Variants in NBEAL2 observed in about 807,000 individuals in gnomAD.
The protein encoded by NBEAL2 is neurobeachin-like protein 2.
NBEAL2 carries 160 observed loss-of-function variants against 299.8 expected under a neutral mutation model. The observed-to-expected ratio is 0.53, with a 90% CI of 0.47 to 0.61. NBEAL2 has a LOEUF of 0.61. Among genes scored for constraint, NBEAL2 ranks in the 20% least tolerant of loss-of-function variants. The probability of loss-of-function intolerance (pLI) is 0.00; values close to 1 mark genes in which losing one functional copy is unlikely to be tolerated. For synonymous variants in NBEAL2, 1,493 were observed against 1,542.3 expected (o/e 0.97, Z 0.75); for missense variants, 3,112 against 3,649.0 (o/e 0.85, Z 3.79).
Position 46,996,812 on chromosome 3 carries a change from GCTC to G in NBEAL2, c.2540_2542del (p.Leu847del). 6.2e-7 allele frequency: 1 copy of G among 1,612,734 alleles called. No individual in the cohort carries two copies. The highest frequency in any genetic ancestry group is 8.5e-7 in the Non-Finnish European group (1 of 1,179,808). On this transcript the variant is annotated inframe_deletion, in exon 17 of 54. Coordinates refer to ENST00000450053, the MANE Select transcript of NBEAL2 (RefSeq NM_015175.3). The stretch of plus-strand genomic sequence containing the variant: ...AGCTGCATGAGCTCAGCACCAGGCT[GCTC>G]CTCCATTACTCACCTCAGGTATTTG...
rs766121933 is a variant in NBEAL2 at position 46,993,955 on chromosome 3, G to C, written c.1132G>C (p.Asp378His). 23 of 1,611,314 alleles carry C rather than the reference G, an allele frequency of 1.4e-5. No individual in the cohort carries two copies. The South Asian group carries it at 2.5e-4, about 18-fold the overall frequency. ...DVQKVLDQDT[D>H]AIAVHVVRVL... is the part of the protein sequence containing the mutation. ...CCCCAAGGTCCTGGACCAAGACACA[G>C]ACGCCATTGCAGTCCATGTAGTCAG... The change falls in exon 11 of 54, where the codon GAC becomes CAC. Residue 378 changes from aspartate (D) to histidine (H), a missense_variant. By Grantham distance (81) the Asp-to-His change is moderately conservative. Around this residue, in one of 3 missense-constraint regions of NBEAL2, gnomAD observed 2,243 missense variants for 2,538.1 expected, o/e 0.88. Transcript: ENST00000450053.
rs2036874064 is a variant in NBEAL2, at chr3:47,000,279, G to GGGCCGC, written c.4185_4190dup (p.Arg1396_Pro1397dup). On this transcript the variant is annotated inframe_insertion, in exon 27 of 54. Transcript: ENST00000450053. The surrounding 1 kb of genome is among the most constrained non-coding windows in gnomAD (Gnocchi z 4.5). ...GCCCGGCACTCCTTCGCCACTGGAT[G>GGGCCGC]GGCCGCGGCCCTTTCCTGCTGCTCC... 6.2e-7 allele frequency: 1 copy of GGGCCGC among 1,612,796 alleles called. No individual in the cohort carries two copies. Among genetic ancestry groups the GGGCCGC allele is most frequent in the Non-Finnish European group, 8.5e-7 (1 of 1,179,856 alleles).
In NBEAL2 at chr3:46,997,422, G is replaced by T. The variant is rs1450169479; in HGVS notation, c.2813G>T (p.Gly938Val). 5.0e-6 allele frequency: 8 copies of T among 1,609,238 alleles called. No individual in the cohort carries two copies. The highest frequency in any genetic ancestry group is 1.1e-5 in the South Asian group (1 of 90,998). Residue 938 changes from glycine to valine, a missense_variant, in exon 19 of 54, where the codon GGT becomes GTT. Around this residue, in one of 3 missense-constraint regions of NBEAL2, gnomAD observed 2,243 missense variants for 2,538.1 expected, o/e 0.88. Transcript: ENST00000450053. ...ACCCAGGGCCTGGTTCTCCCATTGGGTAAATCTTCAGGTAAGTGTTCCTGG... is the reference window on the plus strand; with the variant it reads ...ACCCAGGGCCTGGTTCTCCCATTGGTTAAATCTTCAGGTAAGTGTTCCTGG... The part of the protein sequence containing the change: ...HNTQGLVLPL[G>V]KSSEERMERN...
chr3:46,992,739 G>A (rs1207684099), intron 10 of NBEAL2, among the ~76,000 whole-genome samples, 184 bp downstream of exon 10: 3 of 152,218 alleles, frequency 2.0e-5, no homozygotes, highest in Non-Finnish European at 4.4e-5. Flanking sequence ...AGGACAGAAG[G>A]TGGTCTATCC....
At position 47,006,224 on chromosome 3, in the gene NBEAL2, A is replaced by G. The variant is rs1559620351; in HGVS notation, c.6979A>G (p.Ile2327Val). 6.2e-7 allele frequency: 1 copy of G among 1,613,946 alleles called. No homozygotes were observed. Among genetic ancestry groups the G allele is most frequent in the Non-Finnish European group, 8.5e-7 (1 of 1,179,886 alleles). The change falls in exon 44 of 54, where the codon ATC (isoleucine) becomes GTC (valine). Residue 2327 changes from isoleucine (I) to valine (V), a missense_variant. By Grantham distance (29) the Ile-to-Val change is conservative. Coordinates refer to ENST00000450053, the MANE Select transcript of NBEAL2 (RefSeq NM_015175.3). The part of the protein sequence containing the change: ...ERERKALEGI[I>V]SNFGQTPCQL... ...GGAACGGAAGGCTCTGGAGGGCATTATCAGCAACTTTGGGCAGACTCCCTG... is the reference window on the plus strand; with the variant it reads ...GGAACGGAAGGCTCTGGAGGGCATTGTCAGCAACTTTGGGCAGACTCCCTG...
chr3:47,000,920 G>C lies in NBEAL2; in HGVS notation c.4306-81G>C. The C allele has an allele frequency of 6.5e-7, 1 of 1,540,064 alleles. No homozygotes were observed. The highest frequency in any genetic ancestry group is 8.8e-7 in the Non-Finnish European group (1 of 1,139,494). On this transcript the variant is annotated intron_variant, in intron 27 of 53. Coordinates refer to ENST00000450053, the MANE Select transcript of NBEAL2 (RefSeq NM_015175.3). This position sits in a 1 kb window ranked among gnomAD's most constrained non-coding sequence, Gnocchi z 4.5. ...GTGGCTACCCCAGGAGGGGTGCTGAGTGGGGATGGGTGGGCGTCAGCCTGA... is the reference window on the plus strand; with the variant it reads ...GTGGCTACCCCAGGAGGGGTGCTGACTGGGGATGGGTGGGCGTCAGCCTGA...
At position 46,983,311 on chromosome 3, in the gene NBEAL2, C is replaced by CTTTT. The variant is rs35275864; in HGVS notation, c.51+3413_51+3416dup. Among the ~76,000 whole-genome samples the CTTTT allele has an allele frequency of 9.1e-5, 12 of 131,182 alleles. 1 individual carries two copies. Among genetic ancestry groups the CTTTT allele is most frequent in the East Asian group, 2.2e-4 (1 of 4,484 alleles). The allele number at this position is 131,182 out of a possible 152,430, so 86.1% of individuals were successfully genotyped here. On this transcript the variant is annotated intron_variant, in intron 1 of 53. Coordinates refer to ENST00000450053, the MANE Select transcript of NBEAL2 (RefSeq NM_015175.3). ...CCCGGTACTTTACCTGGTCATATTC[C>CTTTT]TTTTTTTTTTTTTTTTTAGACAGAG...
At position 46,999,942 on chromosome 3, in the gene NBEAL2, G is replaced by A. The variant is rs765740957; in HGVS notation, c.3843G>A (p.Gln1281=). 12 of 1,611,540 alleles carry A rather than the reference G, an allele frequency of 7.4e-6. No homozygotes were observed. The highest frequency in any genetic ancestry group is 1.0e-5 in the Non-Finnish European group (12 of 1,179,252). Residue 1281 remains glutamine, a synonymous_variant, in exon 27 of 54, where the codon CAG becomes CAA. Transcript: ENST00000450053. ...QPDVVRLLAR[Q]AGWQDVLTRL... is the part of the protein sequence containing the mutation. ...ATGTAGTGCGGCTTCTGGCCCGACA[G>A]GCTGGCTGGCAAGATGTGCTGACCC...
chr3:47,002,191 T>A lies in NBEAL2; in HGVS notation c.5054T>A (p.Leu1685Gln). 6.6e-7 allele frequency: 1 copy of A among 1,523,256 alleles called. No homozygotes were observed. Among genetic ancestry groups the A allele is most frequent in the Non-Finnish European group, 8.8e-7 (1 of 1,131,188 alleles). The allele number at this position is 1,523,256 out of a possible 1,614,324, so 94.4% of individuals were successfully genotyped here. ...GAGCCGCTGGGGCTGCAGTGGGGAC[T>A]GCCCTCCCTGCCACCCACCAATGGC... ...AYEPLGLQWG[L>Q]PSLPPTNGSP... The change falls in exon 31 of 54, where the codon CTG (leucine) becomes CAG (glutamine). Residue 1685 changes from leucine to glutamine, a missense_variant. Leu to Gln is a moderately radical substitution (Grantham distance 113). Transcript: ENST00000450053.
At chr3:47,006,711 G>A (rs952244772) in intron 45 of NBEAL2, among the ~76,000 whole-genome samples, 2 of 152,096 alleles carry the variant, frequency 1.3e-5, no homozygotes, top group African/African-American at 2.4e-5. Context: ...CCCTTCCATC[G>A]CCTTCCTAGA....
chr3:47,009,062 C>T lies in NBEAL2; in HGVS notation c.8101C>T (p.His2701Tyr), dbSNP rs1294953286. The T allele has an allele frequency of 6.2e-7, 1 of 1,602,328 alleles. No individual in the cohort carries two copies. The highest frequency in any genetic ancestry group is 1.7e-5 in the Admixed American group (1 of 59,980). The change falls in exon 53 of 54, where the codon CAC becomes TAC. Residue 2701 changes from histidine to tyrosine, a missense_variant. This residue lies in a region of NBEAL2 where 348 missense variants were observed against 381.4 expected (regional missense o/e 0.91). Transcript: ENST00000450053. ...RSVAVTKERSHVLVGLEDGKL... is the reference protein window; with the variant it reads ...RSVAVTKERSYVLVGLEDGKL... ...CGTGGCCGTGACCAAGGAGCGCAGC[C>T]ACGTGCTGGTGGGCCTGGAGGATGG...
chr3:46,991,885 A>G lies in NBEAL2; in HGVS notation c.971A>G (p.Gln324Arg). 1 of 1,604,124 alleles carries G rather than the reference A, an allele frequency of 6.2e-7. No individual in the cohort carries two copies. Among genetic ancestry groups the G allele is most frequent in the Non-Finnish European group, 8.5e-7 (1 of 1,175,530 alleles). Reference protein sequence around the residue: ...MLACEDRPVLQATFLSNNCFE... With the variant: ...MLACEDRPVLRATFLSNNCFE... ...GCATGTGAAGACCGGCCAGTGCTGC[A>G]AGCCACCTTCCTCAGCAACAATTGC... Residue 324 changes from glutamine to arginine, a missense_variant, in exon 9 of 54, where the codon CAA becomes CGA. By Grantham distance (43) the Gln-to-Arg change is conservative (BLOSUM62 1). This residue lies in a region of NBEAL2 where 2,243 missense variants were observed against 2,538.1 expected (regional missense o/e 0.88). Coordinates refer to ENST00000450053, the MANE Select transcript of NBEAL2 (RefSeq NM_015175.3). The surrounding 1 kb of genome is among the most constrained non-coding windows in gnomAD (Gnocchi z 6.2).
In NBEAL2 at chr3:47,000,868, C is replaced by T. The variant is rs1359896518; in HGVS notation, c.4306-133C>T. On this transcript the variant is annotated intron_variant, in intron 27 of 53. Coordinates refer to ENST00000450053, the MANE Select transcript of NBEAL2 (RefSeq NM_015175.3). This position sits in a 1 kb window ranked among gnomAD's most constrained non-coding sequence, Gnocchi z 4.5. The stretch of plus-strand genomic sequence containing the variant: ...TTCCAGGCCCTTAGTGCCAGGCTCA[C>T]TGTTAGCCAAATGCTCTGACTCCTG... The T allele has an allele frequency of 7.4e-7, 1 of 1,346,412 alleles. No individual in the cohort carries two copies. Among genetic ancestry groups the T allele is most frequent in the Non-Finnish European group, 1.0e-6 (1 of 983,606 alleles). 83.4% of individuals were successfully genotyped at this position (1,346,412 alleles called of 1,614,324 possible).
chr3:47,002,619 G>C, intron 32 of NBEAL2, 26 bp from the exon 33 acceptor site: 1 of 1,608,134 alleles, frequency 6.2e-7, no homozygotes, highest in African/African-American at 1.3e-5. Context: ...AGCAGCCAGG[G>C]GACTGACCTA....
Position 47,009,203 on chromosome 3 carries a change from C to G in NBEAL2, c.8164-16C>G, listed in dbSNP as rs766130331. On this transcript the variant is annotated splice_polypyrimidine_tract_variant and intron_variant, in intron 53 of 53. Coordinates refer to ENST00000450053, the MANE Select transcript of NBEAL2 (RefSeq NM_015175.3). ...GGCGATCCCAGCTGATCCTACTCAA[C>G]CCTTACGCCCACCAGGTGCGCAGCA... 1.3e-6 allele frequency: 2 copies of G among 1,583,042 alleles called. No individual in the cohort carries two copies. The highest frequency in any genetic ancestry group is 1.7e-6 in the Non-Finnish European group (2 of 1,166,574).
Position 47,002,803 on chromosome 3 carries a change from G to A in NBEAL2, c.5459+1G>A. 1 of 1,556,918 alleles carries A rather than the reference G, an allele frequency of 6.4e-7. No individual in the cohort carries two copies. Among genetic ancestry groups the A allele is most frequent in the Non-Finnish European group, 8.6e-7 (1 of 1,156,384 alleles). ...GCCCATGTGGGGCCTGGGCGCTGAG[G>A]TGGGCCGGGCTTGGGGCAGGGTCGC... On this transcript the variant is annotated splice_donor_variant, in intron 33 of 53. Coordinates refer to ENST00000450053, the MANE Select transcript of NBEAL2 (RefSeq NM_015175.3). LOFTEE classifies it high-confidence loss of function.
chr3:46,984,304 C>T (rs575762685), intron 1 of NBEAL2, among the ~76,000 whole-genome samples: 2 of 151,950 alleles, frequency 1.3e-5, no homozygotes, highest in Admixed American at 1.3e-4. Flanking sequence ...AGCGAGACTC[C>T]GTCTCAAAAA....
Position 47,009,082 on chromosome 3 carries a change from G to A in NBEAL2, c.8121G>A (p.Glu2707=). 3 of 1,602,138 alleles carry A rather than the reference G, an allele frequency of 1.9e-6. No homozygotes were observed. The highest frequency in any genetic ancestry group is 2.5e-6 in the Non-Finnish European group (3 of 1,179,386). Residue 2707 remains glutamate (E), a synonymous_variant, in exon 53 of 54, where the codon GAG becomes GAA. Transcript: ENST00000450053. The part of the protein sequence containing the change: ...KERSHVLVGL[E]DGKLIVVVAG... Reference sequence around the variant, plus strand: ...GCAGCCACGTGCTGGTGGGCCTGGAGGATGGCAAGCTCATCGTGGTGGTCG... The same window carrying A: ...GCAGCCACGTGCTGGTGGGCCTGGAAGATGGCAAGCTCATCGTGGTGGTCG...
intron 18 of NBEAL2, 47 bp downstream of exon 18, chr3:46,997,093 G>A: frequency 1.3e-6 from 2 of 1,577,998 alleles, no homozygotes; most frequent in Non-Finnish European, 1.7e-6. Context: ...ATGAATATGG[G>A]GCACATGTGT....
Sources: gnomAD v4.1 joint callset for allele counts (sites outside exome capture counted in the v4.1 genomes callset) on GRCh38, gnomAD v4.1.1 for gene constraint, gnomAD v4.1.1 regional missense constraint, Gnocchi (gnomAD v3.1) non-coding constraint, MANE v1.5 for transcripts, NCBI Gene and HGNC (gene_info 2026-07-23, HGNC 2026-07-21) for gene names.